The following MITD1 variants were observed in gnomAD, a reference collection of about 807,000 sequenced individuals.
MITD1 encodes the protein MIT domain-containing protein 1.
Under a neutral mutation model 34.9 loss-of-function variants are expected in MITD1, and 24 were observed. That is an observed-to-expected ratio of 0.69 (90% CI 0.50 to 0.97). The LOEUF is 0.97. MITD1 is among the 50% of genes least tolerant of loss of function. The probability of loss-of-function intolerance (pLI) is 0.00; values close to 1 mark genes in which losing one functional copy is unlikely to be tolerated. For synonymous variants in MITD1, 102 were observed against 101.4 expected, an observed-to-expected ratio of 1.01 and a Z score of -0.04; for missense variants, 266 against 294.6, an observed-to-expected ratio of 0.90 and a Z score of 0.71.
In MITD1 at chr2:99,176,411, C is replaced by T. The variant is rs544416983; in HGVS notation, c.152-2395G>A. On this transcript the variant is annotated intron_variant, in intron 1 of 6. Transcript: ENST00000289359. ...CGCAATCTCGGCTTACTGCAACCTCCGCCTCCCAGGTTCAAGCGATTCTCC... is the reference window on the plus strand; with the variant it reads ...CGCAATCTCGGCTTACTGCAACCTCTGCCTCCCAGGTTCAAGCGATTCTCC... Among the ~76,000 whole-genome samples the T allele has an allele frequency of 5.3e-5, 8 of 152,066 alleles. No homozygotes were observed. In the East Asian group the frequency reaches 5.8e-4, roughly 11 times the overall value.
At chr2:99,171,071 G>A (rs1019814916) in intron 4 of MITD1, among the ~76,000 whole-genome samples, 6 of 152,200 alleles carry the variant, frequency 3.9e-5, no homozygotes, top group Admixed American at 3.9e-4. Flanking sequence ...ATTGTTCATA[G>A]TGCAGACAGT....
intron 1 of MITD1, among the ~76,000 whole-genome samples, chr2:99,178,495 T>A (rs2093899082): frequency 6.6e-6 from 1 of 152,184 alleles, no homozygotes; most frequent in Non-Finnish European, 1.5e-5. Context: ...ATTGTTCAAG[T>A]AGGAAGAGAA....
chr2:99,174,364 A>G (rs1040439906), intron 1 of MITD1, among the ~76,000 whole-genome samples: 1 of 151,880 alleles, frequency 6.6e-6, no homozygotes, highest in Non-Finnish European at 1.5e-5. Flanking sequence ...TGCATAATTA[A>G]AAGTAGCAAA....
chr2:99,165,086 GAGAC>G (rs2093822247), downstream of MITD1, among the ~76,000 whole-genome samples: 1 of 148,444 alleles, frequency 6.7e-6, no homozygotes, highest in Admixed American at 6.8e-5. Context: ...TTATTTTTTT[GAGAC>G]AGAGTCTCAT....
In MITD1 at chr2:99,169,628, T is replaced by TA; in HGVS notation, c.594-19dup. The TA allele has an allele frequency of 6.4e-7, 1 of 1,559,654 alleles. No homozygotes were observed. Among genetic ancestry groups the TA allele is most frequent in the Non-Finnish European group, 8.8e-7 (1 of 1,130,942 alleles). Reference sequence around the variant, plus strand: ...TGTTGAACCTGTTGAAATTAGTATATAGTATTATATTCAAGACATTTAAGT... The same window carrying TA: ...TGTTGAACCTGTTGAAATTAGTATATAAGTATTATATTCAAGACATTTAAGT... On this transcript the variant is annotated intron_variant, in intron 5 of 6. Transcript: ENST00000289359.
rs778257712 is a variant in MITD1 at position 99,180,854 on chromosome 2, T to C, written c.128A>G (p.Asp43Gly). The C allele has an allele frequency of 6.2e-7, 1 of 1,614,156 alleles. No individual in the cohort carries two copies. The highest frequency in any genetic ancestry group is 8.5e-7 in the Non-Finnish European group (1 of 1,180,024). Reference protein sequence around the residue: ...QALVCYQEGIDLLLQVLKGTK... With the variant: ...QALVCYQEGIGLLLQVLKGTK... ...ACCTTTCAGAACCTGCAGGAGCAGA[T>C]CAATCCCCTCTTGGTAACACACCAG... The change falls in exon 1 of 7, where the codon GAT becomes GGT. Residue 43 changes from aspartate to glycine, a missense_variant. Transcript: ENST00000289359.
chr2:99,176,883 G>T (rs1228500454), intron 1 of MITD1, among the ~76,000 whole-genome samples: 2 of 152,108 alleles, frequency 1.3e-5, no homozygotes, highest in Non-Finnish European at 2.9e-5. Flanking sequence ...ATGGCATTGA[G>T]AAACCAAATT....
At chr2:99,169,673 T>C (rs1274122847) in intron 5 of MITD1, 63 bp from the exon 6 acceptor site, 1 of 1,393,952 alleles carries the variant, frequency 7.2e-7, no homozygotes, top group East Asian at 2.3e-5. Context: ...AATAAAGCTG[T>C]AGTGTATTAA....
intron 1 of MITD1, among the ~76,000 whole-genome samples, chr2:99,179,693 G>T (rs1022495916): frequency 1.3e-5 from 2 of 152,120 alleles, no homozygotes; most frequent in African/African-American, 4.8e-5. Context: ...CTCCCAAGTG[G>T]CTGGGACTAC....
downstream of MITD1, chr2:99,161,815 C>A: frequency 1.6e-6 from 1 of 613,882 alleles, no homozygotes; most frequent in Non-Finnish European, 2.8e-6. Context: ...TTGCTAAAGA[C>A]TAATTGTAAA....
rs1013316273 is a variant in MITD1 at position 99,174,969 on chromosome 2, G to A, written c.152-953C>T. Among the ~76,000 whole-genome samples, 6 of 150,278 alleles carry A rather than the reference G, an allele frequency of 4.0e-5. No individual in the cohort carries two copies. In the East Asian group the frequency reaches 5.9e-4, roughly 15 times the overall value. On this transcript the variant is annotated intron_variant, in intron 1 of 6. Coordinates refer to ENST00000289359, the MANE Select transcript of MITD1 (RefSeq NM_138798.3). Reference sequence around the variant, plus strand: ...TCCGACTCCTGATCTCAGGTGATCCGCCCACCTCGGCCTCCCAAAGTGCTG... The same window carrying A: ...TCCGACTCCTGATCTCAGGTGATCCACCCACCTCGGCCTCCCAAAGTGCTG...
chr2:99,162,599 T>C (rs760068425), intron 7 of MITD1: 1 of 1,614,102 alleles, frequency 6.2e-7, no homozygotes, highest in Non-Finnish European at 8.5e-7. Context: ...TAGTGAAAAA[T>C]CTTTTGGAAA....
chr2:99,170,913 G>A lies in MITD1; in HGVS notation c.478-261C>T, dbSNP rs2105215752. Reference sequence around the variant, plus strand: ...GTTTAGAATAGTTTTAATCATCCAGGTGGAGCTGACTGCTTTTGAAATCAA... The same window carrying A: ...GTTTAGAATAGTTTTAATCATCCAGATGGAGCTGACTGCTTTTGAAATCAA... On this transcript the variant is annotated intron_variant, in intron 4 of 6. Transcript: ENST00000289359. 1.1e-5 allele frequency: 3 copies of A among 281,144 alleles called. No individual in the cohort carries two copies. The South Asian group carries it at 2.6e-4, about 24-fold the overall frequency. The allele number at this position is 281,144 out of a possible 1,614,324, so 17.4% of individuals were successfully genotyped here.
At chr2:99,161,990 C>T in exon 8 of MITD1, 2 of 1,608,372 alleles carry the variant, frequency 1.2e-6, no homozygotes, top group South Asian at 2.2e-5. Flanking sequence ...AGAATTGCTT[C>T]CAGTTACTTT....
At chr2:99,176,066 A>G (rs1559181645) in intron 1 of MITD1, among the ~76,000 whole-genome samples, 1 of 151,884 alleles carries the variant, frequency 6.6e-6, no homozygotes, top group Non-Finnish European at 1.5e-5. Flanking sequence ...TCAGCCTCCC[A>G]AGTAGCTGAG....
downstream of MITD1, among the ~76,000 whole-genome samples, chr2:99,168,464 C>T (rs904865629): frequency 7.2e-5 from 11 of 152,168 alleles, no homozygotes; most frequent in Admixed American, 2.0e-4. Flanking sequence ...AGCTGTGGAC[C>T]GCCCACTACC....
At chr2:99,163,214 T>C (rs182180684) in intron 7 of MITD1, 53 of 524,814 alleles carry the variant, frequency 1.0e-4, no homozygotes, top group Non-Finnish European at 1.4e-4. Flanking sequence ...ACCTAGTCTC[T>C]TTCAGTAACT....
intron 2 of MITD1, 169 bp downstream of exon 2, chr2:99,173,746 A>T: frequency 1.6e-6 from 1 of 638,226 alleles, no homozygotes; most frequent in Admixed American, 2.9e-5. Flanking sequence ...ACAAACAAAA[A>T]ATTAAGAACA....
chr2:99,161,819 T>C (rs2093795065), downstream of MITD1: 2 of 634,882 alleles, frequency 3.2e-6, no homozygotes, highest in Non-Finnish European at 5.4e-6. Flanking sequence ...TAAAGACTAA[T>C]TGTAAAGCTA....
Sources: allele counts gnomAD v4.1 joint callset (sites outside exome capture counted in the v4.1 genomes callset), GRCh38; gene constraint gnomAD v4.1.1; transcripts MANE v1.5; gene names NCBI Gene and HGNC (gene_info 2026-07-23, HGNC 2026-07-21).